LLGL2: variants seen among roughly 807,000 people sequenced by gnomAD.
The protein encoded by LLGL2 is LLGL2, scribble cell polarity complex component.
In LLGL2, 81 loss-of-function variants were observed where a neutral mutation model predicts 123.2. That is an observed-to-expected ratio of 0.66 (90% CI 0.55 to 0.79). The LOEUF is 0.79. LLGL2 is among the 30% of genes least tolerant of loss of function. LLGL2 has a pLI of 0.00. For missense variants in LLGL2, 1,273 were observed against 1,414.6 expected (o/e 0.90, Z 1.61); for synonymous variants, 577 against 594.1 (o/e 0.97, Z 0.42).
At chr17:75,526,227 G>T (rs976333893) in intron 1 of LLGL2, among the ~76,000 whole-genome samples, 3 of 152,116 alleles carry the variant, frequency 2.0e-5, no homozygotes, top group African/African-American at 7.2e-5. Flanking sequence ...CTCCCCACGG[G>T]CGGCGGCCGG....
At position 75,570,067 on chromosome 17, in the gene LLGL2, G is replaced by C. The variant is rs1350398399; in HGVS notation, c.1686G>C (p.Glu562Asp). The C allele has an allele frequency of 4.3e-6, 7 of 1,612,456 alleles. No homozygotes were observed. In the South Asian group the frequency reaches 4.4e-5, roughly 10 times the overall value. The change falls in exon 15 of 26, where the codon GAG becomes GAC. Residue 562 changes from glutamate to aspartate, a missense_variant. Transcript: ENST00000392550. Reference protein sequence around the residue: ...DQEGYRWKGHERLAARSGPVR... With the variant: ...DQEGYRWKGHDRLAARSGPVR... ...AGGGCTACCGCTGGAAGGGGCACGA[G>C]CGCCTGGCAGCCCGCTCAGGGCCCG...
chr17:75,528,109 TTTTA>T (rs939513230), intron 1 of LLGL2, among the ~76,000 whole-genome samples: 5 of 150,404 alleles, frequency 3.3e-5, no homozygotes, highest in African/African-American at 4.9e-5. Flanking sequence ...TTTTTATTAT[TTTTA>T]TTTATTTATT....
intron 1 of LLGL2, among the ~76,000 whole-genome samples, chr17:75,541,466 C>T (rs1458784764): frequency 6.6e-6 from 1 of 152,216 alleles, no homozygotes; most frequent in Non-Finnish European, 1.5e-5. Context: ...GGTGCCTGTT[C>T]TCTGAACCCC....
chr17:75,568,510 T>C lies in LLGL2; in HGVS notation c.1071T>C (p.Ala357=). Residue 357 remains alanine (A), a synonymous_variant, in exon 11 of 26, where the codon GCT becomes GCC. Coordinates refer to ENST00000392550, the MANE Select transcript of LLGL2 (RefSeq NM_001031803.2). ...FDDPYALVVL[A]EEELVVIDLQ... is the part of the protein sequence containing the mutation. ...ACCCCTATGCCCTGGTGGTGCTGGCTGAGGAGGAGCTGGTGGTGATTGACC... is the reference window on the plus strand; with the variant it reads ...ACCCCTATGCCCTGGTGGTGCTGGCCGAGGAGGAGCTGGTGGTGATTGACC... The C allele has an allele frequency of 6.2e-7, 1 of 1,613,460 alleles. No individual in the cohort carries two copies. Among genetic ancestry groups the C allele is most frequent in the Non-Finnish European group, 8.5e-7 (1 of 1,179,996 alleles).
intron 1 of LLGL2, among the ~76,000 whole-genome samples, chr17:75,529,289 C>G (rs1315078892): frequency 6.6e-6 from 1 of 151,692 alleles, no homozygotes; most frequent in African/African-American, 2.4e-5. Flanking sequence ...CTCTGCCTCC[C>G]AGGTTCAAGC....
At position 75,564,792 on chromosome 17, in the gene LLGL2, A is replaced by T; in HGVS notation, c.1036+285A>T. ...GGTGGGAGGATCACTTGAGCCTGGGAGGTGGAGGTTGCAGCGAACCAGGAT... is the reference window on the plus strand; with the variant it reads ...GGTGGGAGGATCACTTGAGCCTGGGTGGTGGAGGTTGCAGCGAACCAGGAT... On this transcript the variant is annotated intron_variant, in intron 10 of 25. Transcript: ENST00000392550. The surrounding 1 kb of genome is among the most constrained non-coding windows in gnomAD (Gnocchi z 4.9). 2.9e-5 allele frequency: 8 copies of T among 271,958 alleles called. No individual in the cohort carries two copies. The highest frequency in any genetic ancestry group is 5.1e-5 in the Admixed American group (1 of 19,432). The allele number at this position is 271,958 out of a possible 1,614,324, so 16.8% of individuals were successfully genotyped here.
chr17:75,574,145 T>G (rs1707993130), intron 22 of LLGL2, 68 bp from the exon 23 acceptor site: 4 of 1,526,022 alleles, frequency 2.6e-6, no homozygotes, highest in Non-Finnish European at 3.5e-6. Flanking sequence ...CTGACCTCAG[T>G]AAGGAGAGAG....
rs777074577 is a variant in LLGL2, at chr17:75,558,169, G to T, written c.188G>T (p.Gly63Val). 2 of 1,613,878 alleles carry T rather than the reference G, an allele frequency of 1.2e-6. No homozygotes were observed. Among genetic ancestry groups the T allele is most frequent in the Admixed American group, 3.3e-5 (2 of 60,022 alleles). Residue 63 changes from glycine to valine, a missense_variant, in exon 4 of 26, where the codon GGC becomes GTC. Transcript: ENST00000392550. The surrounding 1 kb of genome is among the most constrained non-coding windows in gnomAD (Gnocchi z 4.0). ...CCTACTCCTAGCTACGGAGCCCCAGGCGTGGAGTTCATGGGGCTGCACCAG... is the reference window on the plus strand; with the variant it reads ...CCTACTCCTAGCTACGGAGCCCCAGTCGTGGAGTTCATGGGGCTGCACCAG... ...SGAIKLYGAP[G>V]VEFMGLHQEN...
At chr17:75,529,300 A>C (rs1356024652) in intron 1 of LLGL2, among the ~76,000 whole-genome samples, 1 of 151,512 alleles carries the variant, frequency 6.6e-6, no homozygotes, top group Non-Finnish European at 1.5e-5. Context: ...AGGTTCAAGC[A>C]GTTCTCCTGC....
intron 2 of LLGL2, among the ~76,000 whole-genome samples, chr17:75,551,652 G>A (rs2054680315): frequency 6.6e-6 from 1 of 152,196 alleles, no homozygotes; most frequent in Non-Finnish European, 1.5e-5. Context: ...AGAACTGCCC[G>A]CCCTTGACTT....
intron 6 of LLGL2, 108 bp from the exon 7 acceptor site, chr17:75,562,908 G>T (rs563720025): frequency 8.2e-6 from 11 of 1,342,362 alleles, no homozygotes; most frequent in Non-Finnish European, 1.0e-5. Context: ...TTCTATGCTG[G>T]CACATGGAGC....
chr17:75,564,529 G>A lies in LLGL2; in HGVS notation c.1036+22G>A. On this transcript the variant is annotated intron_variant, in intron 10 of 25. Transcript: ENST00000392550. The surrounding 1 kb of genome is among the most constrained non-coding windows in gnomAD (Gnocchi z 4.9). Reference sequence around the variant, plus strand: ...GCCAGTAGGAGAGCTTCGGGAGTGGGTGCCCAGGGTTAGGTGTGGGAGGCA... The same window carrying A: ...GCCAGTAGGAGAGCTTCGGGAGTGGATGCCCAGGGTTAGGTGTGGGAGGCA... 6.2e-7 allele frequency: 1 copy of A among 1,612,834 alleles called. No individual in the cohort carries two copies. Among genetic ancestry groups the A allele is most frequent in the Non-Finnish European group, 8.5e-7 (1 of 1,179,780 alleles).
intron 1 of LLGL2, among the ~76,000 whole-genome samples, chr17:75,526,122 G>A (rs1317704805): frequency 6.6e-6 from 1 of 152,152 alleles, no homozygotes; most frequent in Non-Finnish European, 1.5e-5. Flanking sequence ...CCGGCCGGCT[G>A]GGTGCGGGGG....
chr17:75,571,974 C>T lies in LLGL2; in HGVS notation c.2370C>T (p.Pro790=), dbSNP rs1661714. The change falls in exon 19 of 26, where the codon CCC becomes CCT. Residue 790 remains proline (P), a synonymous_variant. Coordinates refer to ENST00000392550, the MANE Select transcript of LLGL2 (RefSeq NM_001031803.2). ...TCGACGGACACAGCGTACCCCTTCC[C>T]GAGCCCCTCGAAGTGGCCCATGATC... ...LVLDGHSVPL[P]EPLEVAHDLS... is the part of the protein sequence containing the mutation. The T allele has an allele frequency of 0.25, 402,728 of 1,612,250 alleles. 51,637 individuals are homozygous for T. The highest frequency in any genetic ancestry group is 0.26 in the Non-Finnish European group (312,512 of 1,179,740).
At chr17:75,560,924 T>G (rs1028995595) in intron 6 of LLGL2, among the ~76,000 whole-genome samples, 6 of 151,750 alleles carry the variant, frequency 4.0e-5, no homozygotes, top group African/African-American at 1.5e-4. Flanking sequence ...CTCTGCTTCC[T>G]GGGTTCAAGT....
At chr17:75,545,421 G>T (rs2054380892) in intron 2 of LLGL2, among the ~76,000 whole-genome samples, 1 of 152,194 alleles carries the variant, frequency 6.6e-6, no homozygotes, top group African/African-American at 2.4e-5. Flanking sequence ...GAGGGAGGAG[G>T]CTGATGGCCT....
chr17:75,546,154 G>C (rs750531277), intron 2 of LLGL2: 1 of 152,496 alleles, frequency 6.6e-6, no homozygotes, highest in Non-Finnish European at 1.5e-5. Context: ...CAGGATGACC[G>C]TGAAGTCTCT....
chr17:75,562,035 ATGTGGAGAGCT>A (rs1312613302), intron 6 of LLGL2, among the ~76,000 whole-genome samples: 1 of 152,180 alleles, frequency 6.6e-6, no homozygotes, highest in East Asian at 1.9e-4. Flanking sequence ...GATATAGATA[ATGTGGAGAGCT>A]TGGGTTTAGT....
rs563569358 is a variant in LLGL2, at chr17:75,532,314, G to A, written c.-31+6489G>A. Among the ~76,000 whole-genome samples the A allele has an allele frequency of 9.2e-5, 14 of 152,082 alleles. No homozygotes were observed. In the East Asian group the frequency reaches 1.9e-3, roughly 21 times the overall value. ...TGCCCAGGCTGGAGTACAGTGGCGCGATCTCAGCCCACTGCAAGCTCCGCC... is the reference window on the plus strand; with the variant it reads ...TGCCCAGGCTGGAGTACAGTGGCGCAATCTCAGCCCACTGCAAGCTCCGCC... On this transcript the variant is annotated intron_variant, in intron 1 of 25. Transcript: ENST00000392550.
Sources: allele counts gnomAD v4.1 joint callset (sites outside exome capture counted in the v4.1 genomes callset), GRCh38; gene constraint gnomAD v4.1.1; non-coding constraint Gnocchi (gnomAD v3.1); transcripts MANE v1.5; gene names NCBI Gene and HGNC (gene_info 2026-07-23, HGNC 2026-07-21).